ARHGAP27: variants seen among roughly 807,000 people sequenced by gnomAD.
ARHGAP27 encodes rho GTPase-activating protein 27.
ARHGAP27 carries 53 observed loss-of-function variants against 102.0 expected under a neutral mutation model. The ratio of observed to expected loss-of-function variants is 0.52; its 90% CI spans 0.42 to 0.65. ARHGAP27 has a LOEUF of 0.65. ARHGAP27 is among the 30% of genes least tolerant of loss of function. The probability of loss-of-function intolerance (pLI) is 0.00; values close to 1 mark genes in which losing one functional copy is unlikely to be tolerated. For synonymous variants in ARHGAP27, 525 were observed against 542.8 expected (o/e 0.97, Z 0.46); for missense variants, 1,117 against 1,256.2 (o/e 0.89, Z 1.68).
intron 12 of ARHGAP27, among the ~76,000 whole-genome samples, chr17:45,398,757 C>T (rs1006160701): frequency 3.3e-5 from 5 of 151,612 alleles, no homozygotes; most frequent in Non-Finnish European, 4.4e-5. Context: ...CAAAACAAAA[C>T]CCAGAAACTT....
chr17:45,430,285 C>G lies in ARHGAP27; in HGVS notation c.-6G>C, dbSNP rs1340779948. The G allele has an allele frequency of 6.4e-7, 1 of 1,565,092 alleles. No homozygotes were observed. Among genetic ancestry groups the G allele is most frequent in the South Asian group, 1.2e-5 (1 of 86,480 alleles). On this transcript the variant is annotated 5_prime_UTR_variant, in exon 4 of 20. Coordinates refer to ENST00000685559, the MANE Select transcript of ARHGAP27 (RefSeq NM_001282290.2). This position sits in a 1 kb window ranked among gnomAD's most constrained non-coding sequence, Gnocchi z 4.4. ...CCCACCACGTCCGCCGCCATCGCAGCCGCGGCGTTTTCCTGCGGGCAACAA... is the reference window on the plus strand; with the variant it reads ...CCCACCACGTCCGCCGCCATCGCAGGCGCGGCGTTTTCCTGCGGGCAACAA...
intron 10 of ARHGAP27, 116 bp downstream of exon 10, chr17:45,403,913 G>A: frequency 8.2e-7 from 1 of 1,214,702 alleles, no homozygotes; most frequent in South Asian, 1.3e-5. Context: ...GGTCCACAGA[G>A]GACCACTCAC....
chr17:45,419,786 A>G (rs2048857452), intron 4 of ARHGAP27, among the ~76,000 whole-genome samples: 1 of 152,014 alleles, frequency 6.6e-6, no homozygotes, highest in Non-Finnish European at 1.5e-5. Flanking sequence ...AAAGCCCAAC[A>G]ACCCAATACA....
At chr17:45,403,539 A>T (rs2046725840) in intron 11 of ARHGAP27, 80 bp downstream of exon 11, 1 of 1,218,828 alleles carries the variant, frequency 8.2e-7, no homozygotes, top group Non-Finnish European at 1.2e-6. Flanking sequence ...TGACAGAGCG[A>T]GACTCCGTCT....
chr17:45,410,070 G>T, intron 4 of ARHGAP27: 1 of 913,428 alleles, frequency 1.1e-6, no homozygotes, highest in Non-Finnish European at 1.6e-6. Context: ...GCCCCAAGCT[G>T]ACCACCTCTT....
intron 4 of ARHGAP27, among the ~76,000 whole-genome samples, chr17:45,412,125 C>A (rs947025721): frequency 1.3e-5 from 2 of 152,208 alleles, no homozygotes; most frequent in Non-Finnish European, 2.9e-5. Context: ...CAGTAGGAAG[C>A]TGGGCCCCCA....
At chr17:45,423,838 C>T (rs112948370) in intron 4 of ARHGAP27, among the ~76,000 whole-genome samples, 98 of 152,340 alleles carry the variant, frequency 6.4e-4, no homozygotes, top group African/African-American at 2.3e-3. Context: ...AAGAGATACG[C>T]ATAAGAAGGC....
chr17:45,432,128 G>A (rs2145120838), intron 2 of ARHGAP27, 88 bp downstream of exon 2: 1 of 245,200 alleles, frequency 4.1e-6, no homozygotes, highest in Middle Eastern at 4.6e-4. Flanking sequence ...CTGTTCCCGG[G>A]GAGGTCATTT....
At chr17:45,412,962 CTTTTTTTTTTTTTTTTTTTTTTTTT>C (rs36233058) in intron 4 of ARHGAP27, among the ~76,000 whole-genome samples, 34 of 41,142 alleles carry the variant, frequency 8.3e-4, no homozygotes, top group Non-Finnish European at 1.0e-3. Flanking sequence ...TCAGTATAAT[CTTTTTTTTTTTTTTTTTTTTTTTTT>C]TTTTTTTTTT....
At chr17:45,423,951 G>A (rs1298215676) in intron 4 of ARHGAP27, among the ~76,000 whole-genome samples, 1 of 152,238 alleles carries the variant, frequency 6.6e-6, no homozygotes, top group African/African-American at 2.4e-5. Context: ...TATAGGGAGG[G>A]AATAGTAATT....
chr17:45,409,912 TTC>T, intron 4 of ARHGAP27: 2 of 348,296 alleles, frequency 5.7e-6, no homozygotes, highest in South Asian at 5.2e-5. Context: ...AGAAGTGGCC[TTC>T]CGACCTCAGG....
intron 3 of ARHGAP27, among the ~76,000 whole-genome samples, chr17:45,431,092 A>G (rs1338393010): frequency 7.3e-6 from 1 of 136,318 alleles, no homozygotes; most frequent in African/African-American, 2.8e-5. Flanking sequence ...TGGCCTGTCC[A>G]CCTGCCCTGT....
At chr17:45,416,942 G>A (rs1472233826) in intron 4 of ARHGAP27, among the ~76,000 whole-genome samples, 2 of 150,804 alleles carry the variant, frequency 1.3e-5, no homozygotes, top group Non-Finnish European at 3.0e-5. Context: ...ATCACCTGAG[G>A]TCGAGAGTTT....
chr17:45,401,942 C>T (rs997621039), intron 12 of ARHGAP27, among the ~76,000 whole-genome samples: 1 of 152,182 alleles, frequency 6.6e-6, no homozygotes, highest in African/African-American at 2.4e-5. Context: ...TTTGACAGTT[C>T]ACCACGTGTG....
At chr17:45,425,483 T>G in intron 4 of ARHGAP27, 1 of 918,494 alleles carries the variant, frequency 1.1e-6, no homozygotes, top group Non-Finnish European at 1.3e-6. Context: ...CCCAGATGGG[T>G]TTTAGGATTC....
chr17:45,396,221 T>C lies in ARHGAP27; in HGVS notation c.2237A>G (p.Tyr746Cys), dbSNP rs144020235. The C allele has an allele frequency of 4.7e-4, 764 of 1,613,076 alleles. 1 individual carries two copies. Among genetic ancestry groups the C allele is most frequent in the Non-Finnish European group, 6.1e-4 (718 of 1,179,472 alleles). The stretch of plus-strand genomic sequence containing the variant: ...ACGGGCCTCACCGTGGTCCACCTTA[T>C]AGCGTAGCTTCTGGATGGTGGCCAG... ...GNLATIQKLR[Y>C]KVDHDERLDL... Residue 746 changes from tyrosine (Y) to cysteine (C), a missense_variant, in exon 17 of 20, where the codon TAT becomes TGT. This residue lies in a region of ARHGAP27 where 493 missense variants were observed against 505.5 expected (regional missense o/e 0.98). Transcript: ENST00000685559.
chr17:45,423,097 C>T lies in ARHGAP27; in HGVS notation c.657+6526G>A, dbSNP rs576151483. Among the ~76,000 whole-genome samples, 60 of 152,262 alleles carry T rather than the reference C, an allele frequency of 3.9e-4. 1 individual carries two copies. In the South Asian group the frequency reaches 7.5e-3, roughly 19 times the overall value. ...TCAGGAGGCTGAGGCAGGAGAATCA[C>T]TTGAACCCAGGAGGTGGAGGTTGCG... On this transcript the variant is annotated intron_variant, in intron 4 of 19. Coordinates refer to ENST00000685559, the MANE Select transcript of ARHGAP27 (RefSeq NM_001282290.2).
At chr17:45,410,445 G>A (rs949748379) in intron 4 of ARHGAP27, 13 of 1,361,036 alleles carry the variant, frequency 9.6e-6, no homozygotes, top group African/African-American at 1.5e-5. Context: ...TCAGGGCTGC[G>A]GAAGTGCTGC....
intron 4 of ARHGAP27, chr17:45,410,000 T>C: frequency 1.8e-6 from 1 of 566,342 alleles, no homozygotes; most frequent in Non-Finnish European, 3.1e-6. Context: ...TTACAGTGGT[T>C]CACCCCTTAT....
Sources: gnomAD v4.1 joint callset for allele counts (sites outside exome capture counted in the v4.1 genomes callset) on GRCh38, gnomAD v4.1.1 for gene constraint, gnomAD v4.1.1 regional missense constraint, Gnocchi (gnomAD v3.1) non-coding constraint, MANE v1.5 for transcripts, NCBI Gene and HGNC (gene_info 2026-07-23, HGNC 2026-07-21) for gene names.